Variants in PRKCE observed in about 807,000 individuals in gnomAD.
PRKCE encodes protein kinase C epsilon.
In PRKCE, 16 loss-of-function variants were observed where a neutral mutation model predicts 85.4. The ratio of observed to expected loss-of-function variants is 0.19; its 90% confidence interval spans 0.13 to 0.28. The LOEUF (loss-of-function observed/expected upper bound fraction) is 0.28. PRKCE is among the 10% of genes least tolerant of loss of function. PRKCE has a pLI of 1.00. For synonymous variants in PRKCE, 388 were observed against 371.5 expected (o/e 1.04, Z -0.51); for missense variants, 573 against 975.2 (o/e 0.59, Z 5.49).
At chr2:45,658,602 A>G (rs1675492315) in intron 1 of PRKCE, among the ~76,000 whole-genome samples, 1 of 152,218 alleles carries the variant, frequency 6.6e-6, no homozygotes, top group Non-Finnish European at 1.5e-5. Flanking sequence ...TAAAATGGAA[A>G]TGTCGTAGGT....
chr2:46,123,456 A>G (rs1429567667), intron 11 of PRKCE, among the ~76,000 whole-genome samples: 1 of 152,052 alleles, frequency 6.6e-6, no homozygotes, highest in Non-Finnish European at 1.5e-5. Flanking sequence ...TTGAGATCAC[A>G]TAGAACAAAA....
intron 2 of PRKCE, among the ~76,000 whole-genome samples, chr2:45,943,132 A>C (rs1414636895): frequency 3.3e-5 from 5 of 152,350 alleles, no homozygotes; most frequent in African/African-American, 1.2e-4. Context: ...AGCTGTGAAG[A>C]TTCAGGAGGC....
At chr2:45,874,990 G>A (rs565771198) in intron 2 of PRKCE, among the ~76,000 whole-genome samples, 28 of 152,022 alleles carry the variant, frequency 1.8e-4, no homozygotes, top group Admixed American at 2.6e-4. Flanking sequence ...TGTAGATGTC[G>A]ACATACTAAA....
chr2:45,717,858 A>C (rs1478031712), intron 1 of PRKCE, among the ~76,000 whole-genome samples: 1 of 152,232 alleles, frequency 6.6e-6, no homozygotes, highest in African/African-American at 2.4e-5. Flanking sequence ...AGGATGCTCC[A>C]GTATCACGGG....
intron 10 of PRKCE, among the ~76,000 whole-genome samples, chr2:46,063,140 A>G (rs897081775): frequency 6.6e-6 from 1 of 152,208 alleles, no homozygotes; most frequent in Non-Finnish European, 1.5e-5. Context: ...GGCAGAGCTG[A>G]GTGGGCCAAG....
chr2:45,716,668 A>AAAG (rs147246415), intron 1 of PRKCE, among the ~76,000 whole-genome samples: 3 of 141,184 alleles, frequency 2.1e-5, no homozygotes, highest in Non-Finnish European at 4.6e-5. Flanking sequence ...AGGAGAAGAA[A>AAAG]AAGAAGAAGA....
chr2:45,892,584 A>T (rs1418007397), intron 2 of PRKCE, among the ~76,000 whole-genome samples: 2 of 152,162 alleles, frequency 1.3e-5, no homozygotes, highest in Admixed American at 6.5e-5. Flanking sequence ...TTTGTGTTAC[A>T]GACCAAATGG....
intron 2 of PRKCE, among the ~76,000 whole-genome samples, chr2:45,865,341 G>A (rs1693505354): frequency 6.6e-6 from 1 of 152,142 alleles, no homozygotes; most frequent in Admixed American, 6.5e-5. Flanking sequence ...CCAAATAGAT[G>A]ATAAATCAGA....
At chr2:45,824,052 C>T (rs1689746023) in intron 1 of PRKCE, among the ~76,000 whole-genome samples, 1 of 152,200 alleles carries the variant, frequency 6.6e-6, no homozygotes, top group South Asian at 2.1e-4. Flanking sequence ...GCTGCAGTTC[C>T]ATCCTGTGTA....
chr2:45,662,876 CAA>C (rs563459455), intron 1 of PRKCE, among the ~76,000 whole-genome samples: 2,395 of 152,138 alleles, frequency 0.016, 60 homozygotes, highest in African/African-American at 0.055. Flanking sequence ...AGCAAGCAAG[CAA>C]GCAAGCAAGC....
intron 10 of PRKCE, among the ~76,000 whole-genome samples, chr2:46,032,093 A>G (rs1049721664): frequency 2.6e-5 from 4 of 152,232 alleles, no homozygotes; most frequent in African/African-American, 9.6e-5. Context: ...TGCCGCAAGA[A>G]TTTAGTTAAA....
chr2:46,081,824 G>A (rs1013644861), intron 10 of PRKCE, among the ~76,000 whole-genome samples: 3 of 152,166 alleles, frequency 2.0e-5, no homozygotes, highest in Non-Finnish European at 2.9e-5. Context: ...GGCTGGGCAC[G>A]GTGGCTCATG....
chr2:46,002,478 C>T (rs975966155), intron 7 of PRKCE, among the ~76,000 whole-genome samples: 7 of 152,224 alleles, frequency 4.6e-5, no homozygotes, highest in Non-Finnish European at 8.8e-5. Flanking sequence ...TCCTGGTCAT[C>T]TTGTCATGTT....
rs554912797 is a variant in PRKCE at position 45,988,843 on chromosome 2, G to T, written c.823+4163G>T. 2.6e-5 allele frequency among the ~76,000 whole-genome samples: 4 copies of T among 152,252 alleles called. No homozygotes were observed. The South Asian group carries it at 8.3e-4, about 32-fold the overall frequency. On this transcript the variant is annotated intron_variant, in intron 6 of 14. Transcript: ENST00000306156. The stretch of plus-strand genomic sequence containing the variant: ...TTCTGCACTTTGTTGGAACAGTGCT[G>T]CCTTCTCCAATCTCAGGTTCACTGG...
intron 10 of PRKCE, among the ~76,000 whole-genome samples, chr2:46,022,821 C>T (rs535815326): frequency 2.6e-5 from 4 of 152,292 alleles, no homozygotes; most frequent in East Asian, 3.9e-4. Flanking sequence ...CGGTGGCTCA[C>T]GCCTGTAATC....
intron 1 of PRKCE, among the ~76,000 whole-genome samples, chr2:45,692,981 T>G (rs1677859231): frequency 6.6e-6 from 1 of 152,078 alleles, no homozygotes; most frequent in African/African-American, 2.4e-5. Context: ...TAACAATGTG[T>G]AAGGGAAGGA....
chr2:46,044,171 T>C (rs936574162), intron 10 of PRKCE, among the ~76,000 whole-genome samples: 1 of 152,194 alleles, frequency 6.6e-6, no homozygotes, highest in African/African-American at 2.4e-5. Flanking sequence ...ACTAAGAAGA[T>C]TACAAGAGAA....
At chr2:45,966,150 A>G (rs550973844) in intron 2 of PRKCE, among the ~76,000 whole-genome samples, 2 of 152,202 alleles carry the variant, frequency 1.3e-5, no homozygotes, top group African/African-American at 2.4e-5. Flanking sequence ...GCCTTTCACA[A>G]GACAGTTATT....
intron 10 of PRKCE, among the ~76,000 whole-genome samples, chr2:46,019,847 CTTTTTTTTTT>C (rs869079304): frequency 1.9e-5 from 2 of 105,914 alleles, no homozygotes; most frequent in Admixed American, 1.0e-4. Context: ...TTGGTTTTCT[CTTTTTTTTTT>C]TTTTTTTTTT....
Sources: gnomAD v4.1 joint callset for allele counts (sites outside exome capture counted in the v4.1 genomes callset) on GRCh38, gnomAD v4.1.1 for gene constraint, MANE v1.5 for transcripts, NCBI Gene and HGNC (gene_info 2026-07-23, HGNC 2026-07-21) for gene names.